The following CCDC57 variants were observed in gnomAD, a reference collection of about 807,000 sequenced individuals.
CCDC57 encodes the protein coiled-coil domain containing 57, also known as coiled-coil domain-containing protein 57.
In CCDC57, 118 loss-of-function variants were observed where a neutral mutation model predicts 118.9. The ratio of observed to expected loss-of-function variants is 0.99; its 90% confidence interval spans 0.86 to 1.16. The LOEUF (loss-of-function observed/expected upper bound fraction) is 1.16. Among genes scored for constraint, CCDC57 ranks in the 50% most tolerant of loss-of-function variants. The pLI, the probability that CCDC57 is intolerant of heterozygous loss-of-function variation, is 0.00. For synonymous variants in CCDC57, 527 were observed against 532.9 expected, an observed-to-expected ratio of 0.99 and a Z score of 0.15; for missense variants, 1,300 against 1,320.7, an observed-to-expected ratio of 0.98 and a Z score of 0.24.
chr17:82,134,294 C>A (rs1269812685), intron 16 of CCDC57, 100 bp from the exon 16 acceptor site: 17 of 1,190,730 alleles, frequency 1.4e-5, no homozygotes, highest in African/African-American at 1.6e-5. Flanking sequence ...TGTTCCTTTT[C>A]AAAACCAAAG....
At chr17:82,188,497 T>C in intron 7 of CCDC57, 78 bp from the exon 7 acceptor site, 1 of 1,415,632 alleles carries the variant, frequency 7.1e-7, no homozygotes, top group Non-Finnish European at 9.6e-7. Context: ...GAGGCGTTCA[T>C]TGCCCTGTCT....
chr17:82,196,102 C>A (rs1178853774), intron 4 of CCDC57, among the ~76,000 whole-genome samples: 2 of 152,184 alleles, frequency 1.3e-5, no homozygotes, highest in East Asian at 3.8e-4. Context: ...AGAATGGCTG[C>A]GCCCTGCCAA....
chr17:82,183,716 A>G (rs1444824590), intron 9 of CCDC57, 58 bp downstream of exon 8: 1 of 1,498,456 alleles, frequency 6.7e-7, no homozygotes, highest in Non-Finnish European at 9.0e-7. Context: ...CTTAGTACCT[A>G]CAACAGCACC....
exon 6 of CCDC57, chr17:82,193,997 G>T (rs1443216662): frequency 6.2e-7 from 1 of 1,611,260 alleles, no homozygotes; most frequent in Middle Eastern, 1.7e-4. Context: ...GCGGCTCATG[G>T]CCTCCAGGTC....
intron 13 of CCDC57, among the ~76,000 whole-genome samples, chr17:82,167,390 G>A (rs1413162087): frequency 2.2e-5 from 3 of 139,312 alleles, no homozygotes; most frequent in African/African-American, 8.0e-5. Flanking sequence ...TGCTCTTGTA[G>A]CCCAGGCTGG....
rs751624505 is a variant in CCDC57, at chr17:82,171,857, C to T, written c.1730-4G>A. ...GCTTCAAGGGCCAGAACATAATCTGCCAAAAAAACCTCCAGTGAATATAAC... is the reference window on the plus strand; with the variant it reads ...GCTTCAAGGGCCAGAACATAATCTGTCAAAAAAACCTCCAGTGAATATAAC... On this transcript the variant is annotated splice_polypyrimidine_tract_variant and splice_region_variant and intron_variant, in intron 12 of 19. Transcript: ENST00000665763. 2.5e-6 allele frequency: 4 copies of T among 1,609,014 alleles called. No individual in the cohort carries two copies. The African/African-American group carries it at 4.0e-5, about 16-fold the overall frequency.
At chr17:82,141,831 A>T (rs2040049148) in intron 16 of CCDC57, among the ~76,000 whole-genome samples, 1 of 152,180 alleles carries the variant, frequency 6.6e-6, no homozygotes, top group South Asian at 2.1e-4. Context: ...GAGAAACTGT[A>T]GGGAAAAAAA....
chr17:82,108,494 T>C (rs776590755), intron 19 of CCDC57, among the ~76,000 whole-genome samples: 4 of 152,158 alleles, frequency 2.6e-5, no homozygotes, highest in Non-Finnish European at 4.4e-5. Flanking sequence ...TTGTGTTGCA[T>C]TGGTGTCATG....
intron 16 of CCDC57, among the ~76,000 whole-genome samples, chr17:82,150,710 G>A (rs1483039515): frequency 4.0e-5 from 3 of 74,108 alleles, no homozygotes; most frequent in Non-Finnish European, 7.6e-5. Flanking sequence ...CTCAGAACCA[G>A]GCGCACACCT....
intron 16 of CCDC57, among the ~76,000 whole-genome samples, chr17:82,141,070 G>C (rs918928651): frequency 6.6e-6 from 1 of 151,862 alleles, no homozygotes; most frequent in Non-Finnish European, 1.5e-5. Context: ...GAGTGCAGTG[G>C]TGTGATCTCC....
chr17:82,101,793 C>A, exon 20 of CCDC57: 1 of 1,607,586 alleles, frequency 6.2e-7, no homozygotes, highest in Non-Finnish European at 8.5e-7. Flanking sequence ...GGGCTGCTGT[C>A]TTCATCCCTG....
chr17:82,108,417 C>T (rs2035014414), intron 19 of CCDC57, among the ~76,000 whole-genome samples: 1 of 152,174 alleles, frequency 6.6e-6, no homozygotes, highest in Admixed American at 6.5e-5. Context: ...ATAAAATCTG[C>T]ATATTTATAG....
At chr17:82,179,341 T>TG (rs900190256) in intron 9 of CCDC57, among the ~76,000 whole-genome samples, 152 bp from the exon 9 acceptor site, 3 of 152,088 alleles carry the variant, frequency 2.0e-5, no homozygotes, top group African/African-American at 7.2e-5. Flanking sequence ...CTCCTGTGGA[T>TG]GGGCACACTG....
At chr17:82,130,023 C>T (rs1398824290) in intron 17 of CCDC57, among the ~76,000 whole-genome samples, 1 of 151,914 alleles carries the variant, frequency 6.6e-6, no homozygotes, top group Non-Finnish European at 1.5e-5. Flanking sequence ...ATATTGAGAC[C>T]CCCTATCTGT....
chr17:82,210,212 G>A (rs1025434472), intron 1 of CCDC57, among the ~76,000 whole-genome samples: 4 of 151,858 alleles, frequency 2.6e-5, no homozygotes, highest in Non-Finnish European at 2.9e-5. Context: ...CCGAGACCGC[G>A]CCCCTGCAAG....
chr17:82,138,704 C>T (rs994759163), intron 16 of CCDC57, among the ~76,000 whole-genome samples: 1 of 149,028 alleles, frequency 6.7e-6, no homozygotes, highest in Non-Finnish European at 1.5e-5. Context: ...GGAAGAGACG[C>T]GTGGCCTGCC....
At chr17:82,180,989 C>T (rs1470255968) in intron 9 of CCDC57, among the ~76,000 whole-genome samples, 1 of 152,212 alleles carries the variant, frequency 6.6e-6, no homozygotes, top group Non-Finnish European at 1.5e-5. Context: ...CCACTCGCCG[C>T]CCGGCTTCTC....
At chr17:82,174,593 GA>G (rs1344840400) in intron 11 of CCDC57, among the ~76,000 whole-genome samples, 2 of 152,178 alleles carry the variant, frequency 1.3e-5, no homozygotes, top group African/African-American at 4.8e-5. Flanking sequence ...CCAATTAACT[GA>G]TAAGGTACTG....
intron 16 of CCDC57, among the ~76,000 whole-genome samples, chr17:82,141,465 C>T (rs1170716121): frequency 6.6e-6 from 1 of 152,152 alleles, no homozygotes; most frequent in Non-Finnish European, 1.5e-5. Context: ...GGATTACAGG[C>T]GTGAGCCACC....
Sources: allele counts gnomAD v4.1 joint callset (sites outside exome capture counted in the v4.1 genomes callset), GRCh38; gene constraint gnomAD v4.1.1; transcripts MANE v1.5; gene names NCBI Gene and HGNC (gene_info 2026-07-23, HGNC 2026-07-21).